Variants in GRM7 observed in about 807,000 individuals in gnomAD.
The protein encoded by GRM7 is metabotropic glutamate receptor 7.
GRM7 carries 35 observed loss-of-function variants against 84.5 expected under a neutral mutation model. The observed-to-expected ratio is 0.41, with a 90% CI of 0.32 to 0.55. The LOEUF (loss-of-function observed/expected upper bound fraction) is 0.55. Among genes scored for constraint, GRM7 ranks in the 20% least tolerant of loss-of-function variants. GRM7 has a pLI of 0.19. For missense variants in GRM7, 1,003 were observed against 1,194.6 expected (o/e 0.84, Z 2.36); for synonymous variants, 487 against 455.1 (o/e 1.07, Z -0.89).
intron 7 of GRM7, among the ~76,000 whole-genome samples, chr3:7,467,305 T>C (rs1206878023): frequency 6.6e-6 from 1 of 152,160 alleles, no homozygotes; most frequent in Non-Finnish European, 1.5e-5. Flanking sequence ...GCCAGGATGG[T>C]CTTGATCTGC....
At chr3:7,186,932 A>G (rs1387281069) in intron 2 of GRM7, among the ~76,000 whole-genome samples, 3 of 152,140 alleles carry the variant, frequency 2.0e-5, no homozygotes, top group Non-Finnish European at 4.4e-5. Flanking sequence ...AAAGTTAATA[A>G]TTGGAGTCTG....
chr3:7,492,066 A>C (rs73117722), intron 7 of GRM7, among the ~76,000 whole-genome samples: 22 of 152,304 alleles, frequency 1.4e-4, no homozygotes, highest in African/African-American at 5.1e-4. Flanking sequence ...AATCCCACAT[A>C]GTCATGGTGT....
rs955838107 is a variant in GRM7 at position 7,151,821 on chromosome 3, C to T, written c.736+5153C>T. ...CAGTTGCTTTCACTCTGAATTTACA[C>T]CATTATTTCCTCTCACCATTCCTAT... On this transcript the variant is annotated intron_variant, in intron 2 of 9. Transcript: ENST00000357716. The surrounding 1 kb of genome is among the most constrained non-coding windows in gnomAD (Gnocchi z 4.5). Among the ~76,000 whole-genome samples the T allele has an allele frequency of 1.3e-5, 2 of 152,058 alleles. No individual in the cohort carries two copies. Among genetic ancestry groups the T allele is most frequent in the African/African-American group, 4.8e-5 (2 of 41,410 alleles).
At chr3:7,629,571 T>C (rs1697775763) in intron 8 of GRM7, among the ~76,000 whole-genome samples, 1 of 152,170 alleles carries the variant, frequency 6.6e-6, no homozygotes, top group South Asian at 2.1e-4. Flanking sequence ...ATAGGCTCTA[T>C]GTTCAAATAT....
At chr3:7,211,212 C>T (rs929618741) in intron 2 of GRM7, among the ~76,000 whole-genome samples, 1 of 152,136 alleles carries the variant, frequency 6.6e-6, no homozygotes, top group East Asian at 1.9e-4. Context: ...CTTGTAAATG[C>T]CAAATGCAAA....
intron 2 of GRM7, among the ~76,000 whole-genome samples, chr3:7,209,822 C>G (rs569172208): frequency 2.0e-5 from 3 of 151,968 alleles, no homozygotes; most frequent in African/African-American, 7.3e-5. Context: ...GTAGAGAAGG[C>G]CTTAAAGGGT....
chr3:7,381,038 T>C (rs1056676825), intron 4 of GRM7, among the ~76,000 whole-genome samples: 10 of 152,134 alleles, frequency 6.6e-5, no homozygotes, highest in Admixed American at 3.9e-4. Flanking sequence ...AAGTCAAATT[T>C]GGAAGCAGAA....
rs1052479380 is a variant in GRM7 at position 7,444,703 on chromosome 3, A to C, written c.1175-7904A>C. Among the ~76,000 whole-genome samples the C allele has an allele frequency of 4.3e-4, 65 of 151,342 alleles. 2 individuals are homozygous for C. The highest frequency in any genetic ancestry group is 1.6e-3 in the African/African-American group (65 of 41,184). ...GTACCTAAACATATCCCCACCATCC[A>C]CCCCCTGCTCCCAACACACATTTAT... On this transcript the variant is annotated intron_variant, in intron 5 of 9. Coordinates refer to ENST00000357716, the MANE Select transcript of GRM7 (RefSeq NM_000844.4).
chr3:6,931,775 C>G (rs1697508702), intron 1 of GRM7, among the ~76,000 whole-genome samples: 1 of 152,236 alleles, frequency 6.6e-6, no homozygotes, highest in South Asian at 2.1e-4. Flanking sequence ...AACCGTGTCT[C>G]TCTTTTTGGC....
At chr3:7,300,647 T>C (rs1336571265) in intron 3 of GRM7, among the ~76,000 whole-genome samples, 1 of 152,150 alleles carries the variant, frequency 6.6e-6, no homozygotes, top group East Asian at 1.9e-4. Flanking sequence ...CAATTCTGCA[T>C]GCATTCTTTC....
At chr3:7,291,120 G>A (rs111711900) in intron 2 of GRM7, among the ~76,000 whole-genome samples, 286 of 151,096 alleles carry the variant, frequency 1.9e-3, no homozygotes, top group African/African-American at 6.6e-3. Context: ...GGACTCTTTA[G>A]CTTTGTAATT....
At chr3:6,984,273 C>G (rs1230707615) in intron 1 of GRM7, among the ~76,000 whole-genome samples, 1 of 152,068 alleles carries the variant, frequency 6.6e-6, no homozygotes, top group Admixed American at 6.6e-5. Context: ...TTATTATTAT[C>G]CTTATTATTG....
chr3:6,997,497 A>G (rs1694865146), intron 1 of GRM7, among the ~76,000 whole-genome samples: 1 of 152,176 alleles, frequency 6.6e-6, no homozygotes, highest in South Asian at 2.1e-4. Context: ...AAAGCCCCTT[A>G]TAAAGCCATC....
At chr3:7,590,822 T>C (rs1270792350) in intron 8 of GRM7, among the ~76,000 whole-genome samples, 1 of 152,196 alleles carries the variant, frequency 6.6e-6, no homozygotes, top group Non-Finnish European at 1.5e-5. Context: ...AGTCATGTTC[T>C]GTTTGTTCCT....
intron 1 of GRM7, among the ~76,000 whole-genome samples, chr3:6,970,237 T>A (rs961612374): frequency 2.2e-5 from 3 of 134,870 alleles, no homozygotes; most frequent in African/African-American, 8.2e-5. Context: ...ATCTACAGGT[T>A]GCAGCTAATG....
At position 7,469,973 on chromosome 3, in the gene GRM7, A is replaced by C. The variant is rs1992999; in HGVS notation, c.1515+8251A>C. Among the ~76,000 whole-genome samples the C allele has an allele frequency of 1.1e-3, 169 of 152,242 alleles. 3 individuals carry two copies. In the East Asian group the frequency reaches 0.029, roughly 26 times the overall value. On this transcript the variant is annotated intron_variant, in intron 7 of 9. Coordinates refer to ENST00000357716, the MANE Select transcript of GRM7 (RefSeq NM_000844.4). ...AGGAAATGACATAAGAATGTTTTTG[A>C]CTTATCTTTAAAAGATCAGATCTGG...
chr3:7,353,472 A>G (rs1229842413), intron 4 of GRM7, among the ~76,000 whole-genome samples: 1 of 152,090 alleles, frequency 6.6e-6, no homozygotes. Flanking sequence ...GTTGGCAGAA[A>G]CATGGATCAA....
intron 7 of GRM7, among the ~76,000 whole-genome samples, chr3:7,482,510 G>A (rs1699169831): frequency 6.6e-6 from 1 of 152,168 alleles, no homozygotes; most frequent in Non-Finnish European, 1.5e-5. Flanking sequence ...ATTTTTTGAA[G>A]GGAGACAATG....
intron 2 of GRM7, among the ~76,000 whole-genome samples, chr3:7,276,631 GT>G (rs1373866496): frequency 6.6e-6 from 1 of 151,780 alleles, no homozygotes; most frequent in Non-Finnish European, 1.5e-5. Flanking sequence ...TTCCTTTTGG[GT>G]TATTTTTCAG....
Sources: allele counts gnomAD v4.1 joint callset (sites outside exome capture counted in the v4.1 genomes callset), GRCh38; gene constraint gnomAD v4.1.1; non-coding constraint Gnocchi (gnomAD v3.1); transcripts MANE v1.5; gene names NCBI Gene and HGNC (gene_info 2026-07-23, HGNC 2026-07-21).